The following CLSTN2 variants were observed in gnomAD, a reference collection of about 807,000 sequenced individuals.
CLSTN2 encodes the protein calsyntenin 2, also known as calsyntenin-2.
A neutral mutation model predicts 101.2 loss-of-function variants in CLSTN2; 48 were observed. That is an observed-to-expected ratio of 0.47 (90% CI 0.38 to 0.60). The LOEUF (loss-of-function observed/expected upper bound fraction) is 0.60, where lower values mean the gene tolerates loss of function less well. CLSTN2 is among the 20% of genes least tolerant of loss of function. The pLI, the probability that CLSTN2 is intolerant of heterozygous loss-of-function variation, is 0.00. For missense variants in CLSTN2, 1,160 were observed against 1,238.2 expected (o/e 0.94, Z 0.95); for synonymous variants, 481 against 463.6 (o/e 1.04, Z -0.48).
chr3:140,232,490 CT>C (rs56806056), intron 2 of CLSTN2, among the ~76,000 whole-genome samples: 6,029 of 152,110 alleles, frequency 0.04, 372 homozygotes, highest in African/African-American at 0.14. Flanking sequence ...TATGCATTCT[CT>C]TTGTATGATC....
chr3:140,084,190 C>T (rs568119345), intron 1 of CLSTN2, among the ~76,000 whole-genome samples: 11 of 152,232 alleles, frequency 7.2e-5, no homozygotes, highest in Middle Eastern at 3.4e-3. Flanking sequence ...GTACATCTCC[C>T]GTGTGCCCTC....
At chr3:140,076,015 T>C (rs2008481524) in intron 1 of CLSTN2, among the ~76,000 whole-genome samples, 1 of 152,176 alleles carries the variant, frequency 6.6e-6, no homozygotes, top group Admixed American at 6.5e-5. Flanking sequence ...AGACCCACTG[T>C]TGTACAGCAG....
intron 10 of CLSTN2, among the ~76,000 whole-genome samples, chr3:140,548,749 C>T (rs1935653328): frequency 6.6e-6 from 1 of 152,154 alleles, no homozygotes; most frequent in Non-Finnish European, 1.5e-5. Context: ...TAGGCAGAGG[C>T]CATATCAGAG....
Position 140,546,583 on chromosome 3 carries a change from C to G in CLSTN2, c.1576C>G (p.Pro526Ala). The change falls in exon 10 of 17, where the codon CCT (proline) becomes GCT (alanine). Residue 526 changes from proline to alanine, a missense_variant. By Grantham distance (27) the Pro-to-Ala change is conservative. Coordinates refer to ENST00000458420, the MANE Select transcript of CLSTN2 (RefSeq NM_022131.3). ...HGSLASLTIRPGKMESQKVIS... is the reference protein window; with the variant it reads ...HGSLASLTIRAGKMESQKVIS... ...AAGCCTGGCCAGTCTCACCATCCGC[C>G]CTGGCAAAATGGAAAGCCAGAAGGT... 6.2e-7 allele frequency: 1 copy of G among 1,614,136 alleles called. No homozygotes were observed. The highest frequency in any genetic ancestry group is 8.5e-7 in the Non-Finnish European group (1 of 1,180,002).
intron 1 of CLSTN2, among the ~76,000 whole-genome samples, chr3:140,092,724 T>A (rs1437370200): frequency 1.3e-5 from 2 of 152,184 alleles, no homozygotes; most frequent in African/African-American, 4.8e-5. Flanking sequence ...AGCAAGTTAA[T>A]TACAACACGA....
intron 1 of CLSTN2, among the ~76,000 whole-genome samples, chr3:140,076,625 GTTTTTTTTTTT>G (rs35645750): frequency 2.2e-3 from 82 of 38,074 alleles, no homozygotes; most frequent in African/African-American, 8.5e-3. Context: ...CACCAGCAGT[GTTTTTTTTTTT>G]TTTTTTTTTT....
At chr3:140,265,211 T>C (rs373952387) in intron 2 of CLSTN2, among the ~76,000 whole-genome samples, 1 of 150,632 alleles carries the variant, frequency 6.6e-6, no homozygotes, top group Non-Finnish European at 1.5e-5. Context: ...CCCTCAACCA[T>C]GCATCTACAC....
At chr3:140,219,759 C>T (rs9815327) in intron 2 of CLSTN2, among the ~76,000 whole-genome samples, 3 of 152,072 alleles carry the variant, frequency 2.0e-5, no homozygotes, top group South Asian at 4.2e-4. Context: ...ATTCCTTAGA[C>T]GCTTTGCTTC....
rs911269262 is a variant in CLSTN2 at position 140,569,127 on chromosome 3, T to G, written c.*2874T>G. On this transcript the variant is annotated 3_prime_UTR_variant, in exon 17 of 17. Transcript: ENST00000458420. ...GTGGTTATATCCCAGTAACAGAAGC[T>G]TTGGGAGGTATCCAGGTGAGCAGGG... 5 of 152,250 alleles carry G rather than the reference T, an allele frequency of 3.3e-5. No homozygotes were observed. The highest frequency in any genetic ancestry group is 1.2e-4 in the African/African-American group (5 of 41,444). 9.4% of individuals were successfully genotyped at this position (152,250 alleles called of 1,614,324 possible).
At chr3:139,994,106 C>T (rs1457120760) in intron 1 of CLSTN2, among the ~76,000 whole-genome samples, 1 of 152,202 alleles carries the variant, frequency 6.6e-6, no homozygotes. Context: ...CTGCTCTTCA[C>T]ATGCACCTGC....
At chr3:140,548,515 G>C (rs1440081344) in intron 10 of CLSTN2, among the ~76,000 whole-genome samples, 2 of 152,178 alleles carry the variant, frequency 1.3e-5, no homozygotes, top group Non-Finnish European at 2.9e-5. Flanking sequence ...CCTTGGATGA[G>C]GTGATGAGGC....
intron 2 of CLSTN2, among the ~76,000 whole-genome samples, chr3:140,222,010 C>CT (rs1399429349): frequency 6.6e-6 from 1 of 152,090 alleles, no homozygotes; most frequent in African/African-American, 2.4e-5. Context: ...AGAGAGATGT[C>CT]TGTTTTGCCA....
chr3:140,173,987 G>A (rs190812278), intron 1 of CLSTN2, among the ~76,000 whole-genome samples: 19 of 152,160 alleles, frequency 1.2e-4, no homozygotes, highest in Admixed American at 2.0e-4. Flanking sequence ...TGGGCTTCTC[G>A]TTACTTATGA....
intron 5 of CLSTN2, among the ~76,000 whole-genome samples, chr3:140,447,818 G>A (rs1033293253): frequency 6.6e-6 from 1 of 152,190 alleles, no homozygotes; most frequent in Non-Finnish European, 1.5e-5. Context: ...AAAAAAAGGA[G>A]AAAGAGAAAA....
At position 140,566,312 on chromosome 3, in the gene CLSTN2, T is replaced by C. The variant is rs555457118; in HGVS notation, c.*59T>C. The C allele has an allele frequency of 1.4e-6, 2 of 1,481,020 alleles. No homozygotes were observed. Among genetic ancestry groups the C allele is most frequent in the South Asian group, 2.4e-5 (2 of 82,290 alleles). 91.7% of individuals were successfully genotyped at this position (1,481,020 alleles called of 1,614,324 possible). ...CTTTTGTAAACCCTGACCCAGTGTA[T>C]GCCCATGTCTATCATACCTCACCTC... On this transcript the variant is annotated 3_prime_UTR_variant, in exon 17 of 17. Coordinates refer to ENST00000458420, the MANE Select transcript of CLSTN2 (RefSeq NM_022131.3).
At chr3:140,258,917 A>ATATAT (rs2086625935) in intron 2 of CLSTN2, among the ~76,000 whole-genome samples, 1 of 152,200 alleles carries the variant, frequency 6.6e-6, no homozygotes. Flanking sequence ...CAGTGTGGAA[A>ATATAT]ATCATGTATA....
At chr3:140,445,891 A>G (rs1178388793) in intron 5 of CLSTN2, among the ~76,000 whole-genome samples, 1 of 152,158 alleles carries the variant, frequency 6.6e-6, no homozygotes, top group Admixed American at 6.5e-5. Flanking sequence ...CAGAGGCACC[A>G]TGAAGCTTAG....
intron 2 of CLSTN2, among the ~76,000 whole-genome samples, chr3:140,252,642 C>T (rs1479178471): frequency 1.3e-5 from 2 of 152,190 alleles, no homozygotes; most frequent in Non-Finnish European, 2.9e-5. Flanking sequence ...TGCATGTTGA[C>T]AAGCTCTCTG....
chr3:140,423,950 C>T (rs1307666584), intron 5 of CLSTN2, among the ~76,000 whole-genome samples: 1 of 152,236 alleles, frequency 6.6e-6, no homozygotes, highest in African/African-American at 2.4e-5. Flanking sequence ...AATAAAGGCT[C>T]TCCTGCCCCT....
Sources: gnomAD v4.1 joint callset for allele counts (sites outside exome capture counted in the v4.1 genomes callset) on GRCh38, gnomAD v4.1.1 for gene constraint, MANE v1.5 for transcripts, NCBI Gene and HGNC (gene_info 2026-07-23, HGNC 2026-07-21) for gene names.